SEMA3D: variants seen among roughly 807,000 people sequenced by gnomAD.
SEMA3D encodes semaphorin 3D, also known as semaphorin-3D.
In SEMA3D, 84 loss-of-function variants were observed where a neutral mutation model predicts 100.1. The observed-to-expected ratio is 0.84, with a 90% CI of 0.70 to 1.01. The LOEUF (loss-of-function observed/expected upper bound fraction) is 1.01, where lower values mean the gene tolerates loss of function less well. SEMA3D is among the 50% of genes least tolerant of loss of function. The probability of loss-of-function intolerance (pLI) is 0.00; values close to 1 mark genes in which losing one functional copy is unlikely to be tolerated. For missense variants in SEMA3D, 875 were observed against 934.1 expected (o/e 0.94, Z 0.82); for synonymous variants, 312 against 320.7 (o/e 0.97, Z 0.29).
chr7:85,075,515 T>C (rs988066885), intron 5 of SEMA3D, among the ~76,000 whole-genome samples: 2 of 152,112 alleles, frequency 1.3e-5, no homozygotes, highest in Non-Finnish European at 2.9e-5. Flanking sequence ...TCCTAGAAAG[T>C]AGCCTAATAT....
intron 11 of SEMA3D, among the ~76,000 whole-genome samples, chr7:85,040,462 T>C (rs543762055): frequency 6.6e-6 from 1 of 152,134 alleles, no homozygotes; most frequent in South Asian, 2.1e-4. Context: ...GTAATCATTA[T>C]AGCTAATGCT....
intron 2 of SEMA3D, chr7:85,141,191 A>C: frequency 1.3e-5 from 13 of 983,852 alleles, no homozygotes; most frequent in Non-Finnish European, 1.4e-5. Context: ...TATCATTTTT[A>C]ATATAGCACA....
At position 84,999,650 on chromosome 7, in the gene SEMA3D, C is replaced by G; in HGVS notation, c.2124G>C (p.Glu708Asp). The G allele has an allele frequency of 6.2e-7, 1 of 1,614,036 alleles. No individual in the cohort carries two copies. Among genetic ancestry groups the G allele is most frequent in the Non-Finnish European group, 8.5e-7 (1 of 1,179,994 alleles). The change falls in exon 19 of 19, where the codon GAG becomes GAC. Residue 708 changes from glutamate (E) to aspartate (D), a missense_variant. Coordinates refer to ENST00000284136, the MANE Select transcript of SEMA3D (RefSeq NM_001384900.1). ...EEGKVKDLLA[E>D]SRLRYKDYIQ... ...TGTAGTCTTTGTATCTCAACCGTGA[C>G]TCAGCCAATAGATCCTTGACCTTCC...
At chr7:85,114,150 C>T (rs919399001) in intron 3 of SEMA3D, among the ~76,000 whole-genome samples, 1 of 152,082 alleles carries the variant, frequency 6.6e-6, no homozygotes, top group Non-Finnish European at 1.5e-5. Flanking sequence ...ATTCTTACTT[C>T]AGAAGCAGGA....
At chr7:85,240,172 T>C in the SEMA3D span, among the ~76,000 whole-genome samples, 1 of 152,120 alleles carries the variant, frequency 6.6e-6, no homozygotes, top group African/African-American at 2.4e-5. Context: ...ATTCAAGATG[T>C]GAAAGTCCCC....
chr7:85,027,967 C>T (rs1257058898), intron 12 of SEMA3D: 2 of 579,482 alleles, frequency 3.5e-6, no homozygotes, highest in South Asian at 2.9e-5. Context: ...TTTACGGATA[C>T]CAAACAATTG....
intron 4 of SEMA3D, among the ~76,000 whole-genome samples, chr7:85,094,087 A>G (rs1331099452): frequency 6.6e-6 from 1 of 152,048 alleles, no homozygotes; most frequent in Non-Finnish European, 1.5e-5. Flanking sequence ...TAAATTATCT[A>G]TTTTATGAAG....
At chr7:85,168,461 T>C (rs1170214986) in intron 1 of SEMA3D, among the ~76,000 whole-genome samples, 1 of 151,760 alleles carries the variant, frequency 6.6e-6, no homozygotes, top group African/African-American at 2.4e-5. Context: ...TCTTTCTAAA[T>C]TAGTTGTCAA....
intron 1 of SEMA3D, among the ~76,000 whole-genome samples, chr7:85,182,530 C>T (rs1487906888): frequency 1.3e-5 from 2 of 152,004 alleles, no homozygotes; most frequent in Admixed American, 6.5e-5. Flanking sequence ...AAATTCCTAC[C>T]CTCAAGATTC....
intron 4 of SEMA3D, 137 bp from the exon 5 acceptor site, chr7:85,081,716 G>C: frequency 1.6e-6 from 1 of 620,902 alleles, no homozygotes; most frequent in Non-Finnish European, 2.8e-6. Flanking sequence ...TGGGAAATTT[G>C]AGATTTAAAT....
intron 1 of SEMA3D, among the ~76,000 whole-genome samples, chr7:85,180,407 T>C (rs1791368616): frequency 6.6e-6 from 1 of 152,192 alleles, no homozygotes; most frequent in Admixed American, 6.5e-5. Flanking sequence ...CTTTATAAAT[T>C]ACTCAATCTT....
chr7:85,148,796 C>T (rs1031054916), intron 2 of SEMA3D, among the ~76,000 whole-genome samples: 9 of 151,644 alleles, frequency 5.9e-5, no homozygotes, highest in Non-Finnish European at 1.0e-4. Flanking sequence ...GCGGTGTGTA[C>T]ATGTGTGTGT....
the SEMA3D span, among the ~76,000 whole-genome samples, chr7:85,202,534 T>G: frequency 5.5e-4 from 83 of 152,134 alleles, no homozygotes; most frequent in African/African-American, 1.4e-3. Flanking sequence ...CAAAAGAAAC[T>G]ACCATCAGAG....
the SEMA3D span, among the ~76,000 whole-genome samples, chr7:85,224,878 T>A: frequency 6.6e-6 from 1 of 151,612 alleles, no homozygotes; most frequent in Non-Finnish European, 1.5e-5. Flanking sequence ...TACCACAAGA[T>A]GCATATATTT....
At chr7:85,004,481 T>C (rs899242820) in intron 18 of SEMA3D, among the ~76,000 whole-genome samples, 9 of 152,098 alleles carry the variant, frequency 5.9e-5, no homozygotes, top group African/African-American at 1.7e-4. Context: ...TTGCTAGTTA[T>C]AGCATAAACA....
chr7:85,115,674 T>C (rs1207268296), intron 3 of SEMA3D, among the ~76,000 whole-genome samples: 1 of 152,144 alleles, frequency 6.6e-6, no homozygotes, highest in Non-Finnish European at 1.5e-5. Context: ...ATTTAATGAG[T>C]TGTGACAAAT....
the SEMA3D span, among the ~76,000 whole-genome samples, chr7:85,213,873 A>C: frequency 6.6e-6 from 1 of 152,140 alleles, no homozygotes; most frequent in African/African-American, 2.4e-5. Flanking sequence ...CATCAGCAAC[A>C]TTTCTAGATG....
chr7:85,152,900 C>A (rs33995980), intron 2 of SEMA3D, among the ~76,000 whole-genome samples: 1 of 151,972 alleles, frequency 6.6e-6, no homozygotes, highest in Non-Finnish European at 1.5e-5. Flanking sequence ...GTCTAGCAGC[C>A]TAAGGAACTG....
At position 85,125,321 on chromosome 7, in the gene SEMA3D, T is replaced by C. The variant is rs538913864; in HGVS notation, c.-40-3390A>G. Reference sequence around the variant, plus strand: ...AATGACTAGTTGGGGTTAATGGCCCTTGGCTATGCATTGAGATACCTACTC... The same window carrying C: ...AATGACTAGTTGGGGTTAATGGCCCCTGGCTATGCATTGAGATACCTACTC... On this transcript the variant is annotated intron_variant, in intron 2 of 18. Coordinates refer to ENST00000284136, the MANE Select transcript of SEMA3D (RefSeq NM_001384900.1). Among the ~76,000 whole-genome samples the C allele has an allele frequency of 2.6e-4, 39 of 152,230 alleles. 1 individual carries two copies. The highest frequency in any genetic ancestry group is 2.4e-3 in the Admixed American group (36 of 15,250).
Sources: gnomAD v4.1 joint callset for allele counts (sites outside exome capture counted in the v4.1 genomes callset) on GRCh38, gnomAD v4.1.1 for gene constraint, MANE v1.5 for transcripts, NCBI Gene and HGNC (gene_info 2026-07-23, HGNC 2026-07-21) for gene names.